VPS13D: variants seen among roughly 807,000 people sequenced by gnomAD.
VPS13D encodes the protein vacuolar protein sorting 13 homolog D, also known as intermembrane lipid transfer protein VPS13D.
A neutral mutation model predicts 461.9 loss-of-function variants in VPS13D; 187 were observed. The ratio of observed to expected loss-of-function variants is 0.40; its 90% CI spans 0.36 to 0.46. The LOEUF (loss-of-function observed/expected upper bound fraction) is 0.46, where lower values mean the gene tolerates loss of function less well. VPS13D is among the 20% of genes least tolerant of loss of function. The probability of loss-of-function intolerance (pLI) is 0.60; values close to 1 mark genes in which losing one functional copy is unlikely to be tolerated. For synonymous variants in VPS13D, 1,951 were observed against 1,986.3 expected, an observed-to-expected ratio of 0.98 and a Z score of 0.47; for missense variants, 4,711 against 5,364.9, an observed-to-expected ratio of 0.88 and a Z score of 3.81.
At chr1:12,295,549 C>G (rs1642252466) in intron 24 of VPS13D, among the ~76,000 whole-genome samples, 1 of 152,134 alleles carries the variant, frequency 6.6e-6, no homozygotes, top group Admixed American at 6.5e-5. Context: ...AAGAATCATA[C>G]TAGTATCTCT....
At chr1:12,366,788 A>T (rs146413242) in intron 52 of VPS13D, among the ~76,000 whole-genome samples, 2 of 152,340 alleles carry the variant, frequency 1.3e-5, no homozygotes, top group Non-Finnish European at 2.9e-5. Flanking sequence ...CCTAGATTTA[A>T]CCAGTTTTCA....
chr1:12,259,315 T>C (rs1408237807), intron 10 of VPS13D, among the ~76,000 whole-genome samples: 2 of 150,728 alleles, frequency 1.3e-5, no homozygotes, highest in Non-Finnish European at 2.9e-5. Flanking sequence ...AGCCTACTCT[T>C]TTTATTTTTT....
intron 57 of VPS13D, among the ~76,000 whole-genome samples, chr1:12,382,659 G>A (rs890259955): frequency 6.6e-6 from 1 of 152,080 alleles, no homozygotes; most frequent in Non-Finnish European, 1.5e-5. Flanking sequence ...AGCTAGTTTT[G>A]GCTACTTTTT....
chr1:12,275,709 A>C, intron 18 of VPS13D, 116 bp from the exon 19 acceptor site: 1 of 1,032,146 alleles, frequency 9.7e-7, no homozygotes, highest in African/African-American at 1.6e-5. Context: ...AGTTTTCCTC[A>C]GTTTTCTTAA....
intron 50 of VPS13D, among the ~76,000 whole-genome samples, chr1:12,360,111 A>G (rs1245626245): frequency 6.6e-6 from 1 of 152,336 alleles, no homozygotes; most frequent in East Asian, 1.9e-4. Context: ...CTGTTATGCT[A>G]GGAGCATTCA....
intron 23 of VPS13D, among the ~76,000 whole-genome samples, chr1:12,292,798 A>G (rs1208263678): frequency 2.6e-5 from 4 of 152,100 alleles, no homozygotes; most frequent in African/African-American, 9.7e-5. Context: ...AACTGTTTCA[A>G]GAAGATATCT....
intron 68 of VPS13D, chr1:12,499,782 G>T (rs1461972940): frequency 2.0e-6 from 2 of 985,204 alleles, no homozygotes; most frequent in African/African-American, 1.7e-5. Flanking sequence ...GGAGTGTGTC[G>T]CATGTTCCTC....
chr1:12,459,421 A>T (rs1413075263), intron 66 of VPS13D, among the ~76,000 whole-genome samples: 2 of 151,866 alleles, frequency 1.3e-5, no homozygotes. Flanking sequence ...TCCCACATGG[A>T]TACTAAGGAA....
rs762693544 is a variant in VPS13D, at chr1:12,321,785, G to A, written c.7549-24G>A. 9.5e-6 allele frequency: 15 copies of A among 1,583,068 alleles called. No homozygotes were observed. In the Admixed American group the frequency reaches 1.3e-4, roughly 14 times the overall value. On this transcript the variant is annotated intron_variant, in intron 32 of 69. Transcript: ENST00000620676. The stretch of plus-strand genomic sequence containing the variant: ...CTTCCTAAATCAGACATTAATTCTC[G>A]CCATATTGCATTTCATTCTGTAGGT...
rs747582979 is a variant in VPS13D, at chr1:12,277,828, G to A, written c.4240G>A (p.Asp1414Asn). ...ATTCATCCAGAATTTTGTGGCGGGA[G>A]ATGATGAATCCAGAAGTGACCGTCT... is the stretch of plus-strand genomic sequence containing the variant. ...QIFIQNFVAG[D>N]DESRSDRLQV... The change falls in exon 19 of 70, where the codon GAT becomes AAT. Residue 1414 changes from aspartate to asparagine, a missense_variant. This residue lies in a region of VPS13D where 4,411 missense variants were observed against 4,937.8 expected (regional missense o/e 0.89). Transcript: ENST00000620676. 2 of 1,613,992 alleles carry A rather than the reference G, an allele frequency of 1.2e-6. No individual in the cohort carries two copies. The highest frequency in any genetic ancestry group is 2.2e-5 in the South Asian group (2 of 91,062).
chr1:12,258,831 C>G (rs1641006022), intron 10 of VPS13D, among the ~76,000 whole-genome samples: 1 of 152,192 alleles, frequency 6.6e-6, no homozygotes, highest in South Asian at 2.1e-4. Context: ...CAAAGGAATA[C>G]TTTTCCCTTC....
intron 2 of VPS13D, among the ~76,000 whole-genome samples, chr1:12,239,861 G>A (rs1640287172): frequency 6.6e-6 from 1 of 152,134 alleles, no homozygotes; most frequent in Admixed American, 6.6e-5. Context: ...TCTGCCTGGA[G>A]TGAGTGACCC....
At chr1:12,271,644 G>T (rs528594065) in intron 17 of VPS13D, among the ~76,000 whole-genome samples, 1 of 152,216 alleles carries the variant, frequency 6.6e-6, no homozygotes, top group South Asian at 2.1e-4. Context: ...ACTCCAGCCT[G>T]GGCAACAGAG....
In VPS13D at chr1:12,348,727, T is replaced by C. The variant is rs917683244; in HGVS notation, c.9070-96T>C. ...TTTCACTGAAGAACTATAGTAGTAA[T>C]AAGACACTTTTAAGGTAGACATTCT... is the stretch of plus-strand genomic sequence containing the variant. On this transcript the variant is annotated intron_variant, in intron 44 of 69. Coordinates refer to ENST00000620676, the MANE Select transcript of VPS13D (RefSeq NM_015378.4). 46 of 1,440,686 alleles carry C rather than the reference T, an allele frequency of 3.2e-5. No homozygotes were observed. In the African/African-American group the frequency reaches 5.9e-4, roughly 19 times the overall value. 89.2% of individuals were successfully genotyped at this position (1,440,686 alleles called of 1,614,324 possible).
intron 2 of VPS13D, 96 bp downstream of exon 2, chr1:12,234,459 G>A (rs1640084140): frequency 2.0e-6 from 2 of 983,920 alleles, no homozygotes; most frequent in South Asian, 3.1e-5. Context: ...CTAATGCCCA[G>A]ATGGCTTTGT....
At chr1:12,478,986 A>G in intron 67 of VPS13D, 1 of 439,506 alleles carries the variant, frequency 2.3e-6, no homozygotes, top group South Asian at 1.6e-5. Flanking sequence ...TTCCACAGCT[A>G]CGCCCAGGTG....
intron 58 of VPS13D, among the ~76,000 whole-genome samples, 191 bp downstream of exon 58, chr1:12,383,346 G>A (rs1018876630): frequency 2.6e-5 from 4 of 152,094 alleles, no homozygotes; most frequent in South Asian, 4.1e-4. Flanking sequence ...AAAGATAAGC[G>A]TAAAGTATAA....
At chr1:12,301,524 G>A (rs1375623964) in intron 25 of VPS13D, among the ~76,000 whole-genome samples, 5 of 152,220 alleles carry the variant, frequency 3.3e-5, no homozygotes, top group East Asian at 1.9e-4. Context: ...GAACACAGAA[G>A]CTTTTGTGCC....
At chr1:12,357,550 G>A (rs1167850889) in intron 49 of VPS13D, among the ~76,000 whole-genome samples, 4 of 152,214 alleles carry the variant, frequency 2.6e-5, no homozygotes. Flanking sequence ...AGGCAGGGCA[G>A]GAAATATTGT....
Sources: gnomAD v4.1 joint callset for allele counts (sites outside exome capture counted in the v4.1 genomes callset) on GRCh38, gnomAD v4.1.1 for gene constraint, gnomAD v4.1.1 regional missense constraint, MANE v1.5 for transcripts, NCBI Gene and HGNC (gene_info 2026-07-23, HGNC 2026-07-21) for gene names.